Variants in DNAJB13 observed in about 807,000 individuals in gnomAD.
DNAJB13 encodes the protein dnaJ homolog subfamily B member 13.
Under a neutral mutation model 35.6 loss-of-function variants are expected in DNAJB13, and 22 were observed. The ratio of observed to expected loss-of-function variants is 0.62; its 90% CI spans 0.44 to 0.88. The LOEUF is 0.88. DNAJB13 is among the 40% of genes least tolerant of loss of function. DNAJB13 has a pLI of 0.00. For missense variants in DNAJB13, 370 were observed against 384.3 expected (o/e 0.96, Z 0.31); for synonymous variants, 136 against 144.2 (o/e 0.94, Z 0.41).
chr11:73,953,734 T>A (rs1463048531), intron 1 of DNAJB13, among the ~76,000 whole-genome samples: 2 of 152,184 alleles, frequency 1.3e-5, no homozygotes, highest in East Asian at 3.9e-4. Context: ...TACTTCCTTG[T>A]TGCTTTTTTT....
chr11:73,962,363 T>A (rs1950953538), intron 3 of DNAJB13, among the ~76,000 whole-genome samples: 1 of 130,714 alleles, frequency 7.7e-6, no homozygotes, highest in South Asian at 2.3e-4. Flanking sequence ...GACAGATGGA[T>A]GAATGGATGA....
chr11:73,964,950 A>G lies in DNAJB13; in HGVS notation c.407A>G (p.Gln136Arg). 1 of 1,613,320 alleles carries G rather than the reference A, an allele frequency of 6.2e-7. No individual in the cohort carries two copies. The highest frequency in any genetic ancestry group is 8.5e-7 in the Non-Finnish European group (1 of 1,179,852). ...GGLQGRGVKK[Q>R]DPQVERDLYL... ...CTCCAGGGCCGAGGGGTCAAGAAGC[A>G]GGACCCCCAAGTCGAACGGGATCTC... is the stretch of plus-strand genomic sequence containing the variant. The change falls in exon 4 of 8, where the codon CAG (glutamine) becomes CGG (arginine). Residue 136 changes from glutamine to arginine, a missense_variant. Physicochemically the swap from Gln to Arg is conservative, Grantham distance 43. Transcript: ENST00000339764.
chr11:73,957,292 G>T (rs1323842598), intron 1 of DNAJB13, among the ~76,000 whole-genome samples: 1 of 152,222 alleles, frequency 6.6e-6, no homozygotes, highest in Non-Finnish European at 1.5e-5. Flanking sequence ...CTTGACAGAA[G>T]GTCACAGCTC....
At chr11:73,959,410 C>T in intron 2 of DNAJB13, 84 bp from the exon 3 acceptor site, 3 of 1,497,642 alleles carry the variant, frequency 2.0e-6, no homozygotes, top group Non-Finnish European at 2.7e-6. Context: ...CCTTCCCTTT[C>T]TCCATATCCG....
At position 73,968,380 on chromosome 11, in the gene DNAJB13, C is replaced by A; in HGVS notation, c.642C>A (p.Ile214=). ...PNIIPADIIF[I]VKEKLHPRFR... is the part of the protein sequence containing the mutation. Reference sequence around the variant, plus strand: ...TCATCCCAGCAGACATCATTTTCATCGTAAAGGAGAAGCTACACCCTCGCT... The same window carrying A: ...TCATCCCAGCAGACATCATTTTCATAGTAAAGGAGAAGCTACACCCTCGCT... The change falls in exon 6 of 8, where the codon ATC becomes ATA. Residue 214 remains isoleucine, a synonymous_variant. Coordinates refer to ENST00000339764, the MANE Select transcript of DNAJB13 (RefSeq NM_153614.4). The A allele has an allele frequency of 3.1e-6, 5 of 1,614,152 alleles. No homozygotes were observed. The highest frequency in any genetic ancestry group is 1.7e-5 in the Admixed American group (1 of 60,016).
intron 2 of DNAJB13, among the ~76,000 whole-genome samples, chr11:73,958,718 G>C (rs1047391227): frequency 1.3e-5 from 2 of 152,182 alleles, no homozygotes; most frequent in African/African-American, 4.8e-5. Context: ...GACCTTCCCC[G>C]GGAGAAACAG....
intron 7 of DNAJB13, among the ~76,000 whole-genome samples, chr11:73,969,630 T>A (rs1951222782): frequency 6.6e-6 from 1 of 152,222 alleles, no homozygotes; most frequent in East Asian, 1.9e-4. Context: ...GAGTTGCATA[T>A]CCTAAGTCCT....
At chr11:73,958,189 A>G (rs113314624) in intron 1 of DNAJB13, 128 bp from the exon 2 acceptor site, 1 of 899,336 alleles carries the variant, frequency 1.1e-6, no homozygotes. Flanking sequence ...CTCCGCAGCC[A>G]CCACAGCTGG....
At chr11:73,967,370 T>C (rs980813882) in intron 5 of DNAJB13, among the ~76,000 whole-genome samples, 3 of 152,188 alleles carry the variant, frequency 2.0e-5, no homozygotes, top group African/African-American at 7.2e-5. Flanking sequence ...GCTGAATCCT[T>C]AAGTCCTGAG....
chr11:73,956,444 G>A (rs1442761008), intron 1 of DNAJB13, among the ~76,000 whole-genome samples: 1 of 152,150 alleles, frequency 6.6e-6, no homozygotes, highest in Non-Finnish European at 1.5e-5. Flanking sequence ...AGACATCCGA[G>A]TTTTATGCTG....
chr11:73,967,625 G>T (rs1267886622), intron 5 of DNAJB13, among the ~76,000 whole-genome samples: 1 of 152,058 alleles, frequency 6.6e-6, no homozygotes, highest in South Asian at 2.1e-4. Context: ...TGTGCCTGTG[G>T]TCCCAGATAC....
intron 1 of DNAJB13, among the ~76,000 whole-genome samples, chr11:73,953,675 G>A (rs978048877): frequency 6.6e-6 from 1 of 152,082 alleles, no homozygotes; most frequent in Admixed American, 6.6e-5. Context: ...AGGCCAGGCA[G>A]GCCCAGGCCT....
chr11:73,959,047 C>T (rs1267857647), intron 2 of DNAJB13, among the ~76,000 whole-genome samples: 1 of 152,198 alleles, frequency 6.6e-6, no homozygotes, highest in East Asian at 1.9e-4. Context: ...CCCGAGTTTT[C>T]AGGACTTCAG....
chr11:73,970,202 C>A lies in DNAJB13; in HGVS notation c.*88C>A, dbSNP rs1029813675. On this transcript the variant is annotated 3_prime_UTR_variant, in exon 8 of 8. Transcript: ENST00000339764. ...CACAGCCTCAGGGTGTGCAGGGGAG[C>A]CTGCTGCACAGATATGATACAAGGG... 4.8e-6 allele frequency: 7 copies of A among 1,468,934 alleles called. No individual in the cohort carries two copies. The highest frequency in any genetic ancestry group is 5.5e-6 in the Non-Finnish European group (6 of 1,100,592). The allele number at this position is 1,468,934 out of a possible 1,614,324, so 91.0% of individuals were successfully genotyped here.
chr11:73,963,310 A>C (rs933268579), intron 3 of DNAJB13, among the ~76,000 whole-genome samples: 2 of 151,276 alleles, frequency 1.3e-5, no homozygotes, highest in African/African-American at 4.9e-5. Context: ...GCGCCATTGC[A>C]CTCCAGCCTG....
intron 5 of DNAJB13, among the ~76,000 whole-genome samples, chr11:73,966,767 CT>C (rs1951127811): frequency 6.6e-6 from 1 of 151,766 alleles, no homozygotes; most frequent in Non-Finnish European, 1.5e-5. Flanking sequence ...CAGCCTCCAC[CT>C]CCTGGATTCA....
intron 3 of DNAJB13, among the ~76,000 whole-genome samples, chr11:73,961,650 G>A (rs1322298245): frequency 1.3e-5 from 2 of 152,332 alleles, no homozygotes; most frequent in African/African-American, 4.8e-5. Context: ...GGAACTACCT[G>A]ATGAACAGAA....
intron 3 of DNAJB13, chr11:73,964,575 A>C: frequency 3.1e-6 from 1 of 327,574 alleles, no homozygotes; most frequent in Non-Finnish European, 5.6e-6. Flanking sequence ...AGAGACGGGG[A>C]AGCGTTGGGC....
chr11:73,965,958 G>C, intron 4 of DNAJB13, 180 bp from the exon 5 acceptor site: 1 of 613,022 alleles, frequency 1.6e-6, no homozygotes, highest in Non-Finnish European at 2.9e-6. Context: ...GCTCAGGGCA[G>C]GCTCTCCCCA....
Sources: gnomAD v4.1 joint callset for allele counts (sites outside exome capture counted in the v4.1 genomes callset) on GRCh38, gnomAD v4.1.1 for gene constraint, MANE v1.5 for transcripts, NCBI Gene and HGNC (gene_info 2026-07-23, HGNC 2026-07-21) for gene names.